The following WDFY3 variants were observed in gnomAD, a reference collection of about 807,000 sequenced individuals.
The protein encoded by WDFY3 is WD repeat and FYVE domain-containing protein 3.
WDFY3 carries 66 observed loss-of-function variants against 409.6 expected under a neutral mutation model. That is an observed-to-expected ratio of 0.16 (90% CI 0.13 to 0.20). The LOEUF (loss-of-function observed/expected upper bound fraction) is 0.20, where lower values mean the gene tolerates loss of function less well. Among genes scored for constraint, WDFY3 ranks in the 10% least tolerant of loss-of-function variants. The pLI is 1.00. For missense variants in WDFY3, 3,031 were observed against 4,298.1 expected, an observed-to-expected ratio of 0.71 and a Z score of 8.24; for synonymous variants, 1,521 against 1,537.1, an observed-to-expected ratio of 0.99 and a Z score of 0.25.
intron 10 of WDFY3, among the ~76,000 whole-genome samples, chr4:84,823,740 G>C (rs145670714): frequency 1.8e-3 from 277 of 152,206 alleles, no homozygotes; most frequent in African/African-American, 6.3e-3. Flanking sequence ...TACATACTTA[G>C]TAGAATGTCT....
At chr4:84,741,193 T>C (rs992183294) in intron 38 of WDFY3, among the ~76,000 whole-genome samples, 2 of 152,214 alleles carry the variant, frequency 1.3e-5, no homozygotes, top group African/African-American at 4.8e-5. Flanking sequence ...ACTGTATTAC[T>C]GTATTAAGGT....
intron 6 of WDFY3, among the ~76,000 whole-genome samples, chr4:84,838,877 TTAAATATTATGGTAC>T (rs1209582318): frequency 6.6e-6 from 1 of 152,226 alleles, no homozygotes; most frequent in African/African-American, 2.4e-5. Flanking sequence ...TGCCCCATTA[TTAAATATTATGGTAC>T]TATCTTTTTC....
At position 84,820,138 on chromosome 4, in the gene WDFY3, A is replaced by T; in HGVS notation, c.1640T>A (p.Leu547Ter). 6.2e-7 allele frequency: 1 copy of T among 1,608,638 alleles called. No individual in the cohort carries two copies. Among genetic ancestry groups the T allele is most frequent in the Non-Finnish European group, 8.5e-7 (1 of 1,176,724 alleles). ...CACTGTCAAGGTCTCCATAACCAATAAAGCCAGGTGTTTTTGGTCTTCAAC... is the reference window on the plus strand; with the variant it reads ...CACTGTCAAGGTCTCCATAACCAATTAAGCCAGGTGTTTTTGGTCTTCAAC... ...SSVEDQKHLA[L>*]LVMETLTVLL... is the part of the protein sequence containing the mutation. The change falls in exon 12 of 68, where the codon TTA (leucine) becomes TAA (stop). Residue 547 changes from leucine to a stop codon, truncating the protein, a stop_gained. Coordinates refer to ENST00000295888, the MANE Select transcript of WDFY3 (RefSeq NM_014991.6). LOFTEE classifies it high-confidence loss of function.
At chr4:84,878,499 A>G (rs770040374) in intron 3 of WDFY3, among the ~76,000 whole-genome samples, 4 of 152,220 alleles carry the variant, frequency 2.6e-5, no homozygotes, top group Non-Finnish European at 4.4e-5. Context: ...TCACAGATTA[A>G]TTATACTATT....
intron 32 of WDFY3, among the ~76,000 whole-genome samples, chr4:84,760,791 G>GT (rs1742432601): frequency 6.9e-6 from 1 of 145,472 alleles, no homozygotes; most frequent in Non-Finnish European, 1.5e-5. Flanking sequence ...AGGGTTTTTT[G>GT]TGTCTCTATT....
chr4:84,788,268 T>C (rs1747883113), intron 22 of WDFY3, among the ~76,000 whole-genome samples: 1 of 152,196 alleles, frequency 6.6e-6, no homozygotes, highest in Non-Finnish European at 1.5e-5. Context: ...TGTGTCATAA[T>C]AACATCTCAG....
intron 3 of WDFY3, among the ~76,000 whole-genome samples, chr4:84,862,202 A>AG (rs1440689518): frequency 2.6e-5 from 4 of 152,214 alleles, no homozygotes; most frequent in African/African-American, 9.6e-5. Flanking sequence ...TGTAGCTAAC[A>AG]GGAGGACACG....
intron 13 of WDFY3, among the ~76,000 whole-genome samples, chr4:84,811,730 T>A (rs546946339): frequency 5.3e-5 from 8 of 152,270 alleles, no homozygotes; most frequent in African/African-American, 1.7e-4. Flanking sequence ...CATTTTTTTT[T>A]AAAAGATCTC....
intron 46 of WDFY3, 127 bp from the exon 47 acceptor site, chr4:84,721,699 C>A: frequency 9.4e-7 from 1 of 1,065,706 alleles, no homozygotes; most frequent in Non-Finnish European, 1.3e-6. Context: ...AGGGAGGTAG[C>A]ACATTCAGTG....
At chr4:84,929,826 G>C (rs777853784) in intron 2 of WDFY3, among the ~76,000 whole-genome samples, 1 of 151,902 alleles carries the variant, frequency 6.6e-6, no homozygotes, top group African/African-American at 2.4e-5. Context: ...CACGAGAATC[G>C]CTTGAACCCA....
At chr4:84,922,113 G>A (rs1769371001) in intron 2 of WDFY3, among the ~76,000 whole-genome samples, 1 of 151,724 alleles carries the variant, frequency 6.6e-6, no homozygotes, top group Non-Finnish European at 1.5e-5. Context: ...TTCTACTTGA[G>A]CACCTACACC....
At chr4:84,733,288 A>G in intron 44 of WDFY3, 94 bp downstream of exon 44, 1 of 1,346,082 alleles carries the variant, frequency 7.4e-7, no homozygotes, top group South Asian at 1.4e-5. Context: ...AAAATTAGCT[A>G]TTTGAGGTAA....
At chr4:84,861,091 GT>G (rs1334063271) in intron 3 of WDFY3, among the ~76,000 whole-genome samples, 2 of 152,072 alleles carry the variant, frequency 1.3e-5, no homozygotes, top group African/African-American at 2.4e-5. Flanking sequence ...TGCGCGTATA[GT>G]CCCAAGTACT....
chr4:84,808,213 A>T, intron 15 of WDFY3, 121 bp downstream of exon 15: 2 of 861,876 alleles, frequency 2.3e-6, no homozygotes, highest in Non-Finnish European at 3.5e-6. Flanking sequence ...GTAAAAACAA[A>T]ACAAAACAAA....
chr4:84,778,886 A>G (rs922545601), intron 26 of WDFY3, among the ~76,000 whole-genome samples: 2 of 152,196 alleles, frequency 1.3e-5, no homozygotes, highest in African/African-American at 4.8e-5. Flanking sequence ...TTAACATTCT[A>G]TTAAAATATC....
intron 1 of WDFY3, among the ~76,000 whole-genome samples, chr4:84,964,864 G>T (rs1442516622): frequency 6.6e-6 from 1 of 152,128 alleles, no homozygotes; most frequent in Admixed American, 6.5e-5. Flanking sequence ...TTAACTCATG[G>T]AAAGAAACTA....
intron 44 of WDFY3, among the ~76,000 whole-genome samples, chr4:84,732,010 G>T (rs529666346): frequency 6.6e-6 from 1 of 152,274 alleles, no homozygotes; most frequent in Non-Finnish European, 1.5e-5. Flanking sequence ...AGAACTGAAA[G>T]ATCATATTGT....
chr4:84,679,750 C>A (rs1460611722), intron 64 of WDFY3, among the ~76,000 whole-genome samples: 2 of 151,810 alleles, frequency 1.3e-5, no homozygotes, highest in African/African-American at 4.8e-5. Context: ...CTTTTCTGGA[C>A]TCCTTTAACA....
chr4:84,696,531 AG>A (rs1385162397), intron 57 of WDFY3, among the ~76,000 whole-genome samples, 200 bp downstream of exon 57: 1 of 152,090 alleles, frequency 6.6e-6, no homozygotes, highest in Non-Finnish European at 1.5e-5. Flanking sequence ...GAAAATACAT[AG>A]TTTATATATA....
Sources: gnomAD v4.1 joint callset for allele counts (sites outside exome capture counted in the v4.1 genomes callset) on GRCh38, gnomAD v4.1.1 for gene constraint, MANE v1.5 for transcripts, NCBI Gene and HGNC (gene_info 2026-07-23, HGNC 2026-07-21) for gene names.